The following CREB1 variants were observed in gnomAD, a reference collection of about 807,000 sequenced individuals.
CREB1 encodes cyclic AMP-responsive element-binding protein 1.
In CREB1, 2 loss-of-function variants were observed where a neutral mutation model predicts 42.0. That is an observed-to-expected ratio of 0.05 (90% CI 0.02 to 0.15). CREB1 has a LOEUF of 0.15. Among genes scored for constraint, CREB1 ranks in the 10% least tolerant of loss-of-function variants. CREB1 has a pLI of 1.00. For missense variants in CREB1, 199 were observed against 388.9 expected (o/e 0.51, Z 4.11); for synonymous variants, 123 against 139.9 (o/e 0.88, Z 0.85).
chr2:207,582,001 G>T, intron 7 of CREB1: 1 of 699,650 alleles, frequency 1.4e-6, no homozygotes, highest in Non-Finnish European at 2.6e-6. Context: ...GAGGTATAGT[G>T]TGCCTTTCTC....
At chr2:207,560,600 T>C (rs1265417762) in intron 3 of CREB1, among the ~76,000 whole-genome samples, 4 of 152,116 alleles carry the variant, frequency 2.6e-5, no homozygotes, top group Non-Finnish European at 4.4e-5. Context: ...GAAAAAGAAT[T>C]GATTGGGGAA....
intron 7 of CREB1, chr2:207,581,631 T>C (rs867661991): frequency 9.9e-6 from 4 of 405,828 alleles, no homozygotes; most frequent in African/African-American, 6.2e-5. Context: ...ATTTTAAACT[T>C]ACAAAGGAGT....
At chr2:207,576,348 G>A (rs1334766917) in intron 6 of CREB1, among the ~76,000 whole-genome samples, 10 of 144,488 alleles carry the variant, frequency 6.9e-5, no homozygotes, top group Non-Finnish European at 1.5e-4. Flanking sequence ...CAAGAATATA[G>A]TTAATGCCAG....
intron 1 of CREB1, among the ~76,000 whole-genome samples, chr2:207,537,935 A>G (rs2080941655): frequency 6.6e-6 from 1 of 152,238 alleles, no homozygotes; most frequent in Non-Finnish European, 1.5e-5. Flanking sequence ...ATTTGCATAT[A>G]CATACATAAT....
chr2:207,556,296 A>T (rs1396122240), intron 2 of CREB1, among the ~76,000 whole-genome samples: 1 of 152,092 alleles, frequency 6.6e-6, no homozygotes, highest in Non-Finnish European at 1.5e-5. Flanking sequence ...ATTTTCTCTC[A>T]TTCTTATGTT....
chr2:207,564,526 TA>T (rs900640053), intron 3 of CREB1, among the ~76,000 whole-genome samples: 1 of 149,034 alleles, frequency 6.7e-6, no homozygotes, highest in Non-Finnish European at 1.5e-5. Context: ...AAAAAAATCT[TA>T]AAAAAAAAAT....
At position 207,571,482 on chromosome 2, in the gene CREB1, A is replaced by G. The variant is rs141429097; in HGVS notation, c.505+1161A>G. Among the ~76,000 whole-genome samples the G allele has an allele frequency of 1.9e-3, 297 of 152,356 alleles. 2 individuals are homozygous for G. The highest frequency in any genetic ancestry group is 6.6e-3 in the African/African-American group (275 of 41,590). ...AAGTAGCAAACTTTTTAACTCTGCC[A>G]AGGCTGAAACTTTTGAGACTAAGTA... On this transcript the variant is annotated intron_variant, in intron 5 of 7. Coordinates refer to ENST00000353267, the MANE Select transcript of CREB1 (RefSeq NM_004379.5).
Position 207,573,032 on chromosome 2 carries a change from G to A in CREB1, c.506-2240G>A, listed in dbSNP as rs190494811. On this transcript the variant is annotated intron_variant, in intron 5 of 7. Coordinates refer to ENST00000353267, the MANE Select transcript of CREB1 (RefSeq NM_004379.5). ...ATAGAAAATGTGTATCTGTCATTTT[G>A]AACTTGAATTTTTTTGTTTCAGTAA... Among the ~76,000 whole-genome samples, 4 of 152,184 alleles carry A rather than the reference G, an allele frequency of 2.6e-5. No homozygotes were observed. The South Asian group carries it at 6.2e-4, about 24-fold the overall frequency.
chr2:207,590,082 AGTTT>A lies in CREB1; in HGVS notation c.840-6831_840-6828del, dbSNP rs1214834246. The stretch of plus-strand genomic sequence containing the variant: ...AGGCCTGGAGTTTTCTATTTTGAGA[AGTTT>A]TTTTTTTTTTTTTTTTTTTTTAATA... On this transcript the variant is annotated intron_variant, in intron 7 of 7. Transcript: ENST00000353267. Among the ~76,000 whole-genome samples, 61 of 95,576 alleles carry A rather than the reference AGTTT, an allele frequency of 6.4e-4. 1 individual carries two copies. Among genetic ancestry groups the A allele is most frequent in the Middle Eastern group, 6.1e-3 (1 of 164 alleles). The allele number at this position is 95,576 out of a possible 152,430, so 62.7% of individuals were successfully genotyped here. A position where few individuals can be genotyped will look rare whatever the true frequency, so the allele number is the denominator to read the frequency against.
intron 6 of CREB1, chr2:207,576,784 C>T (rs2082614990): frequency 9.6e-7 from 1 of 1,039,818 alleles, no homozygotes; most frequent in South Asian, 3.3e-5. Flanking sequence ...TAAAGACCTT[C>T]AAATTTTTTT....
rs1457162698 is a variant in CREB1 at position 207,602,699 on chromosome 2, GATGT to G, written c.*5644_*5647del. 9.5e-6 allele frequency: 2 copies of G among 210,030 alleles called. No individual in the cohort carries two copies. The highest frequency in any genetic ancestry group is 1.9e-5 in the Non-Finnish European group (2 of 103,510). The allele number at this position is 210,030 out of a possible 1,614,324, so 13.0% of individuals were successfully genotyped here. A position where few individuals can be genotyped will look rare whatever the true frequency, so the allele number is the denominator to read the frequency against. ...TTTTAAAATTGGTAAATGCTTTATA[GATGT>G]ATTTTTATCCAAGTGCCACTCCAAT... On this transcript the variant is annotated 3_prime_UTR_variant, in exon 8 of 8. Transcript: ENST00000353267.
At chr2:207,548,354 T>G (rs2081374910) in intron 1 of CREB1, among the ~76,000 whole-genome samples, 1 of 152,208 alleles carries the variant, frequency 6.6e-6, no homozygotes, top group Non-Finnish European at 1.5e-5. Context: ...CCCTGGTAAT[T>G]ACAAAACTGC....
At chr2:207,563,563 G>A (rs1559286335) in intron 3 of CREB1, among the ~76,000 whole-genome samples, 1 of 152,132 alleles carries the variant, frequency 6.6e-6, no homozygotes, top group Non-Finnish European at 1.5e-5. Context: ...TTATCTACAT[G>A]AAGTTTTCTT....
chr2:207,583,212 G>A (rs919919295), intron 7 of CREB1, among the ~76,000 whole-genome samples: 5 of 152,062 alleles, frequency 3.3e-5, no homozygotes, highest in African/African-American at 9.7e-5. Flanking sequence ...AGGGACTTGA[G>A]CATCTGTGGA....
At chr2:207,569,380 C>T (rs2082263207) in intron 4 of CREB1, among the ~76,000 whole-genome samples, 1 of 152,148 alleles carries the variant, frequency 6.6e-6, no homozygotes, top group African/African-American at 2.4e-5. Context: ...ATACTCCCAG[C>T]AGCAATGTAT....
At chr2:207,549,244 T>C (rs1385400085) in intron 1 of CREB1, among the ~76,000 whole-genome samples, 2 of 152,224 alleles carry the variant, frequency 1.3e-5, no homozygotes, top group Non-Finnish European at 2.9e-5. Context: ...CATTTGAATA[T>C]GCTTTTTTGC....
In CREB1 at chr2:207,538,083, C is replaced by T. The variant is rs148126534; in HGVS notation, c.-9+7949C>T. Among the ~76,000 whole-genome samples the T allele has an allele frequency of 2.0e-5, 3 of 152,236 alleles. No individual in the cohort carries two copies. In the East Asian group the frequency reaches 5.8e-4, roughly 29 times the overall value. The stretch of plus-strand genomic sequence containing the variant: ...AAACAGTTTTGACTGTGAACTGTTA[C>T]ATGAGGTCAGGTGTGGGAATTTTTC... On this transcript the variant is annotated intron_variant, in intron 1 of 7. Transcript: ENST00000353267.
chr2:207,541,428 G>A (rs1274318788), intron 1 of CREB1, among the ~76,000 whole-genome samples: 1 of 151,878 alleles, frequency 6.6e-6, no homozygotes, highest in Non-Finnish European at 1.5e-5. Context: ...CCTTTTCTAT[G>A]TTTGGATATG....
chr2:207,560,988 A>T lies in CREB1; in HGVS notation c.261+616A>T, dbSNP rs2081936948. 1.1e-5 allele frequency: 8 copies of T among 747,690 alleles called. No individual in the cohort carries two copies. The Admixed American group carries it at 1.9e-4, about 18-fold the overall frequency. 46.3% of individuals were successfully genotyped at this position (747,690 alleles called of 1,614,324 possible). A position where few individuals can be genotyped will look rare whatever the true frequency, so the allele number is the denominator to read the frequency against. On this transcript the variant is annotated intron_variant, in intron 3 of 7. Coordinates refer to ENST00000353267, the MANE Select transcript of CREB1 (RefSeq NM_004379.5). ...GCACTGTAGACCTTTGAAGGTGACTACTCTGTTTAACTGTAGGGAACCGAG... is the reference window on the plus strand; with the variant it reads ...GCACTGTAGACCTTTGAAGGTGACTTCTCTGTTTAACTGTAGGGAACCGAG...
Sources: gnomAD v4.1 joint callset for allele counts (sites outside exome capture counted in the v4.1 genomes callset) on GRCh38, gnomAD v4.1.1 for gene constraint, MANE v1.5 for transcripts, NCBI Gene and HGNC (gene_info 2026-07-23, HGNC 2026-07-21) for gene names.